The following FBXW10B variants were observed in gnomAD, a reference collection of about 807,000 sequenced individuals.
FBXW10B encodes F-box and WD repeat domain containing protein 10B.
At chr17:15,601,345 C>G in the FBXW10B span, among the ~76,000 whole-genome samples, 1 of 141,900 alleles carries the variant, frequency 7.0e-6, no homozygotes, top group Non-Finnish European at 1.5e-5. Flanking sequence ...GGAGGCGGAG[C>G]TGGCAGTGAG....
chr17:15,612,102 C>T, the FBXW10B span, among the ~76,000 whole-genome samples: 2 of 152,168 alleles, frequency 1.3e-5, no homozygotes, highest in South Asian at 2.1e-4. Context: ...ACTAAATGAC[C>T]TGGTGCCATG....
chr17:15,566,392 G>A, the FBXW10B span: 39 of 1,369,358 alleles, frequency 2.8e-5, 1 homozygote, highest in African/African-American at 5.0e-4. Context: ...AAAAATCGGC[G>A]TTCTATGAAA....
the FBXW10B span, chr17:15,619,073 T>G: frequency 1.3e-5 from 21 of 1,613,794 alleles, no homozygotes; most frequent in Non-Finnish European, 1.8e-5. Flanking sequence ...GAGCAGTAAT[T>G]TGGGGTTGCA....
the FBXW10B span, among the ~76,000 whole-genome samples, chr17:15,571,194 A>T: frequency 7.5e-3 from 1,136 of 152,248 alleles, 12 homozygotes; most frequent in African/African-American, 0.025. Flanking sequence ...AAATTTTTTT[A>T]AAAAATTAGG....
the FBXW10B span, among the ~76,000 whole-genome samples, chr17:15,608,162 AT>A: frequency 0.013 from 1,727 of 131,788 alleles, 25 homozygotes; most frequent in Non-Finnish European, 0.017. Flanking sequence ...ATGCATTTGC[AT>A]TTTTTTTTTT....
chr17:15,582,630 TTAAC>T, the FBXW10B span, among the ~76,000 whole-genome samples: 1 of 151,096 alleles, frequency 6.6e-6, no homozygotes, highest in African/African-American at 2.4e-5. Flanking sequence ...ACCCCTTTAT[TTAAC>T]TTTTTTCCTC....
At chr17:15,588,954 C>T in the FBXW10B span, 1 of 1,613,716 alleles carries the variant, frequency 6.2e-7, no homozygotes. Context: ...GGCTCTTCAA[C>T]ATTTTCCTGT....
the FBXW10B span, among the ~76,000 whole-genome samples, chr17:15,575,231 T>A: frequency 6.7e-6 from 1 of 148,152 alleles, no homozygotes; most frequent in Admixed American, 6.6e-5. Context: ...TATTTTGGAA[T>A]GTTTCCGGGG....
At chr17:15,597,501 C>T in the FBXW10B span, among the ~76,000 whole-genome samples, 5 of 149,336 alleles carry the variant, frequency 3.3e-5, no homozygotes, top group African/African-American at 9.9e-5. Context: ...GGCGTGGTGG[C>T]GTGCAACTGT....
chr17:15,601,663 C>T, the FBXW10B span, among the ~76,000 whole-genome samples: 1 of 152,086 alleles, frequency 6.6e-6, no homozygotes, highest in African/African-American at 2.4e-5. Context: ...AACTTTAAGG[C>T]TCTAAGAAAG....
At chr17:15,611,684 T>C in the FBXW10B span, among the ~76,000 whole-genome samples, 1 of 152,208 alleles carries the variant, frequency 6.6e-6, no homozygotes, top group Non-Finnish European at 1.5e-5. Flanking sequence ...AGCTGCCTTA[T>C]GGGAAGCGAC....
the FBXW10B span, chr17:15,573,039 T>C: frequency 6.6e-6 from 1 of 151,144 alleles, no homozygotes; most frequent in Non-Finnish European, 1.5e-5. Context: ...GTGAAGTTCT[T>C]CTGTTACTCA....
chr17:15,592,673 AGATAGCT>A, the FBXW10B span, among the ~76,000 whole-genome samples: 2 of 151,884 alleles, frequency 1.3e-5, no homozygotes, highest in African/African-American at 4.8e-5. Context: ...GAGGCATCAA[AGATAGCT>A]GATAGAGCTC....
the FBXW10B span, among the ~76,000 whole-genome samples, chr17:15,589,509 T>C: frequency 6.6e-6 from 1 of 151,300 alleles, no homozygotes; most frequent in Non-Finnish European, 1.5e-5. Context: ...TCCCCTCTTA[T>C]GAAAGGGCAG....
chr17:15,601,939 T>C, the FBXW10B span, among the ~76,000 whole-genome samples: 14 of 151,900 alleles, frequency 9.2e-5, no homozygotes, highest in African/African-American at 2.7e-4. Flanking sequence ...AGAGAAACCT[T>C]GTCTCTACTA....
At chr17:15,597,575 G>C in the FBXW10B span, among the ~76,000 whole-genome samples, 25 of 151,996 alleles carry the variant, frequency 1.6e-4, no homozygotes, top group Non-Finnish European at 8.8e-5. Context: ...AGAGGTTGCA[G>C]TGAGCCAAGA....
At chr17:15,585,653 T>C in the FBXW10B span, among the ~76,000 whole-genome samples, 1 of 152,226 alleles carries the variant, frequency 6.6e-6, no homozygotes, top group Non-Finnish European at 1.5e-5. Context: ...AGCATTGTTG[T>C]GGTGGAGAAG....
At chr17:15,573,227 CT>C in the FBXW10B span, 1 of 152,210 alleles carries the variant, frequency 6.6e-6, no homozygotes, top group Non-Finnish European at 1.5e-5. Flanking sequence ...TGCAGCTCCC[CT>C]GTTCAGTCAA....
the FBXW10B span, among the ~76,000 whole-genome samples, chr17:15,570,142 A>G: frequency 6.6e-6 from 1 of 152,294 alleles, no homozygotes; most frequent in African/African-American, 2.4e-5. Context: ...AGGTGGATGG[A>G]TGATAAGAGA....
Sources: gnomAD v4.1 joint callset for allele counts (sites outside exome capture counted in the v4.1 genomes callset) on GRCh38, gnomAD v4.1.1 for gene constraint, MANE v1.5 for transcripts, NCBI Gene and HGNC (gene_info 2026-07-23, HGNC 2026-07-21) for gene names.